The following MMP3 variants were observed in gnomAD, a reference collection of about 807,000 sequenced individuals.
The protein encoded by MMP3 is stromelysin-1.
Under a neutral mutation model 47.3 loss-of-function variants are expected in MMP3, and 46 were observed. The observed-to-expected ratio is 0.97, with a 90% CI of 0.77 to 1.24. MMP3 has a LOEUF of 1.24. Among genes scored for constraint, MMP3 ranks in the 50% most tolerant of loss-of-function variants. The probability of loss-of-function intolerance (pLI) is 0.00; values close to 1 mark genes in which losing one functional copy is unlikely to be tolerated. For missense variants in MMP3, 558 were observed against 565.5 expected (o/e 0.99, Z 0.13); for synonymous variants, 216 against 206.5 (o/e 1.05, Z -0.39).
intron 6 of MMP3, 67 bp from the exon 7 acceptor site, chr11:102,839,310 C>T (rs1193768990): frequency 3.2e-6 from 5 of 1,582,268 alleles, no homozygotes; most frequent in African/African-American, 1.4e-5. Context: ...ATTTTCCTCA[C>T]CGTCTTGCCT....
At chr11:102,838,766 G>C (rs782611725) in intron 7 of MMP3, 56 bp from the exon 8 acceptor site, 2 of 1,529,930 alleles carry the variant, frequency 1.3e-6, no homozygotes, top group African/African-American at 1.4e-5. Context: ...AAGCCCTTTC[G>C]CTTTAGAAAT....
rs1222840959 is a variant in MMP3 at position 102,835,833 on chromosome 11, A to C, written c.*293T>G. On this transcript the variant is annotated 3_prime_UTR_variant, in exon 10 of 10. Transcript: ENST00000299855. ...ACTGACAAATCGTCTTTATTAAATA[A>C]GCAAATAGTCTACACAGATACAGTC... The C allele has an allele frequency of 1.6e-5, 4 of 256,540 alleles. No homozygotes were observed. Among genetic ancestry groups the C allele is most frequent in the African/African-American group, 8.8e-5 (4 of 45,226 alleles). 15.9% of individuals were successfully genotyped at this position (256,540 alleles called of 1,614,324 possible).
Position 102,838,642 on chromosome 11 carries a change from C to T in MMP3, c.1138G>A (p.Gly380Ser), listed in dbSNP as rs1555004947. The change falls in exon 8 of 10, where the codon GGT becomes AGT. Residue 380 changes from glycine (G) to serine (S), a missense_variant. By Grantham distance (56) the Gly-to-Ser change is moderately conservative (BLOSUM62 0). Transcript: ENST00000299855. Reference sequence around the variant, plus strand: ...ATTTTCCTCACGGTTGGAGGGAAACCTAGGGTGTGGATGCCTCTTGGGTAT... The same window carrying T: ...ATTTTCCTCACGGTTGGAGGGAAACTTAGGGTGTGGATGCCTCTTGGGTAT... ...AGYPRGIHTL[G>S]FPPTVRKIDA... 2 of 1,613,452 alleles carry T rather than the reference C, an allele frequency of 1.2e-6. No homozygotes were observed. The highest frequency in any genetic ancestry group is 1.7e-5 in the Admixed American group (1 of 60,008).
In MMP3 at chr11:102,836,852, G is replaced by A. The variant is rs1292218903; in HGVS notation, c.1333+446C>T. On this transcript the variant is annotated intron_variant, in intron 9 of 9. Transcript: ENST00000299855. The surrounding 1 kb of genome is among the most constrained non-coding windows in gnomAD (Gnocchi z 4.6). The stretch of plus-strand genomic sequence containing the variant: ...TAAGTATTTGCAAATGACTGGCATG[G>A]GCAATGACTGACAACTCAGGAAAGA... 4.5e-6 allele frequency: 1 copy of A among 221,012 alleles called. No individual in the cohort carries two copies. The highest frequency in any genetic ancestry group is 2.3e-5 in the African/African-American group (1 of 42,584). The allele number at this position is 221,012 out of a possible 1,614,324, so 13.7% of individuals were successfully genotyped here. A position where few individuals can be genotyped will look rare whatever the true frequency, so the allele number is the denominator to read the frequency against.
chr11:102,842,404 C>CTTTTTTTTTTTTTTTGTTTTTTTTTTT, intron 3 of MMP3, 27 bp downstream of exon 3: 1 of 810,714 alleles, frequency 1.2e-6, no homozygotes, highest in Non-Finnish European at 1.6e-6. Context: ...TTTTGTTTTG[C>CTTTTTTTTTTTTTTTGTTTTTTTTTTT]TTTTTTTTTT....
Position 102,843,513 on chromosome 11 carries a change from C to T in MMP3, c.34G>A (p.Val12Met), listed in dbSNP as rs201131528. ...AATGGATAGGCTGAGCAAACTGCCA[C>T]GCACAGCAACAGTAGGATTGGAAGA... ...KSLPILLLLC[V>M]AVCSAYPLDG... Residue 12 changes from valine (V) to methionine (M), a missense_variant, in exon 1 of 10, where the codon GTG becomes ATG. Transcript: ENST00000299855. 27 of 1,613,560 alleles carry T rather than the reference C, an allele frequency of 1.7e-5. No individual in the cohort carries two copies. The highest frequency in any genetic ancestry group is 1.3e-4 in the Admixed American group (8 of 59,950).
intron 7 of MMP3, 32 bp downstream of exon 7, chr11:102,839,078 G>T: frequency 4.4e-6 from 7 of 1,595,676 alleles, no homozygotes; most frequent in Non-Finnish European, 6.0e-6. Flanking sequence ...GTTTACTTTG[G>T]CAAGTTAAAC....
rs200221002 is a variant in MMP3, at chr11:102,843,529, G to A, written c.18C>T (p.Ile6=). 17 of 1,613,306 alleles carry A rather than the reference G, an allele frequency of 1.1e-5. No individual in the cohort carries two copies. In the East Asian group the frequency reaches 3.8e-4, roughly 36 times the overall value. The change falls in exon 1 of 10, where the codon ATC becomes ATT. Residue 6 remains isoleucine, a synonymous_variant. Coordinates refer to ENST00000299855, the MANE Select transcript of MMP3 (RefSeq NM_002422.5). ...AAACTGCCACGCACAGCAACAGTAG[G>A]ATTGGAAGACTCTTCATTTCCACTG... MKSLP[I]LLLLCVAVCS...
In MMP3 at chr11:102,837,278, C is replaced by A. The variant is rs1858899580; in HGVS notation, c.1333+20G>T. Reference sequence around the variant, plus strand: ...AATGTTTCAAGTGCTCTATGGCCAACACAGTAAGTATCCTCTTACCAAATT... The same window carrying A: ...AATGTTTCAAGTGCTCTATGGCCAAAACAGTAAGTATCCTCTTACCAAATT... On this transcript the variant is annotated intron_variant, in intron 9 of 9. Transcript: ENST00000299855. This position sits in a 1 kb window ranked among gnomAD's most constrained non-coding sequence, Gnocchi z 4.4. 1 of 1,572,756 alleles carries A rather than the reference C, an allele frequency of 6.4e-7. No homozygotes were observed. Among genetic ancestry groups the A allele is most frequent in the South Asian group, 1.1e-5 (1 of 90,178 alleles).
chr11:102,840,083 G>A, intron 6 of MMP3, 25 bp downstream of exon 6: 1 of 1,594,638 alleles, frequency 6.3e-7, no homozygotes, highest in Admixed American at 1.8e-5. Context: ...TAAAATGGTA[G>A]GAAAATATAA....
rs1179629484 is a variant in MMP3, at chr11:102,837,030, T to A, written c.1333+268A>T. 1.3e-5 allele frequency among the ~76,000 whole-genome samples: 2 copies of A among 152,184 alleles called. No homozygotes were observed. Among genetic ancestry groups the A allele is most frequent in the African/African-American group, 4.8e-5 (2 of 41,432 alleles). ...GTCGAGCTTGACTCCACATGTTAGC[T>A]CGAGATGTAAGTGACACTGGAGCAC... On this transcript the variant is annotated intron_variant, in intron 9 of 9. Transcript: ENST00000299855. The surrounding 1 kb of genome is among the most constrained non-coding windows in gnomAD (Gnocchi z 4.4).
In MMP3 at chr11:102,842,830, G is replaced by A. The variant is rs1555005811; in HGVS notation, c.192C>T (p.Ile64=). The A allele has an allele frequency of 1.2e-6, 2 of 1,613,792 alleles. No individual in the cohort carries two copies. The highest frequency in any genetic ancestry group is 4.5e-5 in the East Asian group (2 of 44,856). Residue 64 remains isoleucine, a synonymous_variant, in exon 2 of 10, where the codon ATC becomes ATT. Transcript: ENST00000299855. ...RKDSGPVVKK[I]REMQKFLGLE... ...ATCCAAGGAACTTCTGCATTTCTCG[G>A]ATTTTTTTAACAACAGGACCACTGT...
At position 102,836,104 on chromosome 11, in the gene MMP3, T is replaced by C; in HGVS notation, c.*22A>G. 2 of 1,539,492 alleles carry C rather than the reference T, an allele frequency of 1.3e-6. No individual in the cohort carries two copies. Among genetic ancestry groups the C allele is most frequent in the South Asian group, 2.3e-5 (2 of 88,614 alleles). On this transcript the variant is annotated 3_prime_UTR_variant, in exon 10 of 10. Transcript: ENST00000299855. This position sits in a 1 kb window ranked among gnomAD's most constrained non-coding sequence, Gnocchi z 4.6. ...ATTAGCTTCATTTAAAGTGCCCATA[T>C]TGTGCCTTCTACATATCTCTTTCAA... is the stretch of plus-strand genomic sequence containing the variant.
At chr11:102,841,327 C>T (rs1858993020) in intron 4 of MMP3, among the ~76,000 whole-genome samples, 1 of 152,124 alleles carries the variant, frequency 6.6e-6, no homozygotes, top group Non-Finnish European at 1.5e-5. Context: ...ACTTGTGTAA[C>T]TTGTGATGCT....
intron 2 of MMP3, 30 bp downstream of exon 2, chr11:102,842,642 T>G: frequency 6.2e-7 from 1 of 1,613,208 alleles, no homozygotes; most frequent in Non-Finnish European, 8.5e-7. Flanking sequence ...AAAATTCCAA[T>G]CTTATGTGAA....
In MMP3 at chr11:102,842,155, T is replaced by C. The variant is rs138580527; in HGVS notation, c.624A>G (p.Thr208=). ...CATTCTGAGAGATGTGTAACTAACC[T>C]GTTGTATCCTTTGTCCATTGTTCAT... ...DDDEQWTKDT[T]GTNLFLVAAH... Residue 208 remains threonine (T), a splice_region_variant and synonymous_variant, in exon 4 of 10, where the codon ACA becomes ACG. Transcript: ENST00000299855. 8.9e-6 allele frequency: 14 copies of C among 1,577,722 alleles called. No homozygotes were observed. In the African/African-American group the frequency reaches 1.8e-4, roughly 20 times the overall value.
intron 1 of MMP3, 50 bp downstream of exon 1, chr11:102,843,392 A>G: frequency 7.5e-7 from 1 of 1,340,446 alleles, no homozygotes; most frequent in East Asian, 2.3e-5. Flanking sequence ...GAATGGTTTC[A>G]GCTTACTCTG....
rs1343113498 is a variant in MMP3 at position 102,843,572 on chromosome 11, G to A, written c.-26C>T. On this transcript the variant is annotated 5_prime_UTR_variant, in exon 1 of 10. Transcript: ENST00000299855. ...TTCCACTGGCTTTACTTAGCTCTAT[G>A]TTGTCTCTATGCCTTGCTGTCTTGC... The A allele has an allele frequency of 1.2e-5, 19 of 1,585,948 alleles. No homozygotes were observed. The Admixed American group carries it at 2.9e-4, about 24-fold the overall frequency.
At chr11:102,842,406 T>TTG (rs2134402172) in intron 3 of MMP3, 25 bp downstream of exon 3, 1 of 447,830 alleles carries the variant, frequency 2.2e-6, no homozygotes, top group African/African-American at 2.1e-5. Context: ...TTGTTTTGCT[T>TTG]TTTTTTTTTT....
Sources: allele counts gnomAD v4.1 joint callset (sites outside exome capture counted in the v4.1 genomes callset), GRCh38; gene constraint gnomAD v4.1.1; non-coding constraint Gnocchi (gnomAD v3.1); transcripts MANE v1.5; gene names NCBI Gene and HGNC (gene_info 2026-07-23, HGNC 2026-07-21).